RBMS3: variants seen among roughly 807,000 people sequenced by gnomAD.
RBMS3 encodes RNA binding motif single stranded interacting protein 3.
Under a neutral mutation model 66.8 loss-of-function variants are expected in RBMS3, and 27 were observed. The observed-to-expected ratio is 0.40, with a 90% CI of 0.30 to 0.56. The LOEUF (loss-of-function observed/expected upper bound fraction) is 0.56, where lower values mean the gene tolerates loss of function less well. Ranked by LOEUF, RBMS3 falls within the 20% of genes least tolerant of loss-of-function variation. RBMS3 has a pLI of 0.40. For missense variants in RBMS3, 513 were observed against 549.5 expected, an observed-to-expected ratio of 0.93 and a Z score of 0.66; for synonymous variants, 188 against 183.0, an observed-to-expected ratio of 1.03 and a Z score of -0.22.
intron 2 of RBMS3, among the ~76,000 whole-genome samples, chr3:29,444,106 A>T (rs2041728621): frequency 6.6e-6 from 1 of 152,116 alleles, no homozygotes; most frequent in South Asian, 2.1e-4. Flanking sequence ...TCAAAGTGAA[A>T]AAGTAAAGGA....
chr3:29,861,099 G>A (rs1470087612), intron 6 of RBMS3, among the ~76,000 whole-genome samples: 2 of 152,010 alleles, frequency 1.3e-5, no homozygotes, highest in Non-Finnish European at 1.5e-5. Flanking sequence ...TTCTGACCTC[G>A]TGATCATTTG....
At chr3:29,982,974 G>A (rs1698096641) in intron 12 of RBMS3, among the ~76,000 whole-genome samples, 1 of 152,140 alleles carries the variant, frequency 6.6e-6, no homozygotes, top group African/African-American at 2.4e-5. Flanking sequence ...TTAATTTTCT[G>A]TCTCATTGAT....
chr3:29,783,331 T>C (rs2056705048), intron 6 of RBMS3, among the ~76,000 whole-genome samples: 1 of 152,182 alleles, frequency 6.6e-6, no homozygotes, highest in Non-Finnish European at 1.5e-5. Context: ...GGAAAACCTA[T>C]CAGATTAACA....
intron 6 of RBMS3, among the ~76,000 whole-genome samples, chr3:29,802,986 G>A (rs192317079): frequency 2.6e-4 from 40 of 152,262 alleles, no homozygotes; most frequent in African/African-American, 8.7e-4. Context: ...AAGAAAGGAC[G>A]TTGACTTTCT....
chr3:29,844,240 G>GTT (rs1295671555), intron 6 of RBMS3, among the ~76,000 whole-genome samples: 2 of 151,934 alleles, frequency 1.3e-5, no homozygotes, highest in Admixed American at 6.6e-5. Flanking sequence ...TTGTTTTTTT[G>GTT]TTGTGTTTTG....
intron 6 of RBMS3, among the ~76,000 whole-genome samples, chr3:29,860,866 GTTTCT>G (rs2059194751): frequency 6.6e-6 from 1 of 152,116 alleles, no homozygotes; most frequent in East Asian, 1.9e-4. Context: ...GGTTTCATTT[GTTTCT>G]TTTCTTTTCT....
intron 12 of RBMS3, among the ~76,000 whole-genome samples, chr3:29,951,184 A>G (rs112394810): frequency 5.9e-4 from 90 of 152,014 alleles, no homozygotes; most frequent in African/African-American, 2.1e-3. Context: ...AAGAAATACT[A>G]TTGGGCTAAT....
At chr3:29,469,222 G>A (rs571204117) in intron 2 of RBMS3, among the ~76,000 whole-genome samples, 1 of 152,018 alleles carries the variant, frequency 6.6e-6, no homozygotes, top group African/African-American at 2.4e-5. Flanking sequence ...CATAGTATGG[G>A]AAATATTAAA....
chr3:29,373,667 A>T (rs896443026), intron 1 of RBMS3, among the ~76,000 whole-genome samples: 2 of 152,192 alleles, frequency 1.3e-5, no homozygotes, highest in Non-Finnish European at 2.9e-5. Flanking sequence ...AGTAGCAAGT[A>T]ATTGAGCCTT....
intron 1 of RBMS3, among the ~76,000 whole-genome samples, chr3:29,365,029 A>G (rs2037818658): frequency 6.6e-6 from 1 of 152,152 alleles, no homozygotes; most frequent in South Asian, 2.1e-4. Context: ...AAACTTCTCA[A>G]GGGTCAAAAT....
chr3:29,852,855 A>G (rs924361964), intron 6 of RBMS3, among the ~76,000 whole-genome samples: 8 of 152,200 alleles, frequency 5.3e-5, no homozygotes, highest in Non-Finnish European at 1.0e-4. Context: ...AAGAAGCATG[A>G]ATTTGTATGT....
intron 1 of RBMS3, among the ~76,000 whole-genome samples, chr3:29,376,090 A>G (rs998640063): frequency 9.2e-5 from 14 of 151,430 alleles, no homozygotes; most frequent in African/African-American, 3.4e-4. Context: ...TAATGCAGAA[A>G]CAGAAAACCA....
intron 4 of RBMS3, among the ~76,000 whole-genome samples, chr3:29,625,150 C>T (rs1224269996): frequency 4.6e-5 from 7 of 152,180 alleles, no homozygotes; most frequent in Non-Finnish European, 8.8e-5. Flanking sequence ...CCCTGCAGAA[C>T]TGTGGTTCAT....
At chr3:29,954,556 A>G (rs1449294) in intron 12 of RBMS3, among the ~76,000 whole-genome samples, 24,751 of 151,950 alleles carry the variant, frequency 0.16, 2,083 homozygotes, top group East Asian at 0.24. Flanking sequence ...ATGATTTAAT[A>G]TTATACTAAG....
In RBMS3 at chr3:29,785,918, G is replaced by T. The variant is rs2056801237; in HGVS notation, c.637+22929G>T. Among the ~76,000 whole-genome samples, 4 of 152,004 alleles carry T rather than the reference G, an allele frequency of 2.6e-5. No individual in the cohort carries two copies. The South Asian group carries it at 8.3e-4, about 32-fold the overall frequency. ...AGTCAAACTGTCACTGTTTGCTGAA[G>T]ATATGATCGTATACCTAGAAAACCC... On this transcript the variant is annotated intron_variant, in intron 6 of 14. Transcript: ENST00000383767.
At chr3:29,560,499 A>C (rs966571715) in intron 3 of RBMS3, among the ~76,000 whole-genome samples, 1 of 152,248 alleles carries the variant, frequency 6.6e-6, no homozygotes, top group African/African-American at 2.4e-5. Context: ...AAATAGAAAC[A>C]AAAGTCTCTG....
intron 10 of RBMS3, among the ~76,000 whole-genome samples, chr3:29,901,344 C>G (rs910589577): frequency 6.6e-6 from 1 of 151,774 alleles, no homozygotes; most frequent in Non-Finnish European, 1.5e-5. Flanking sequence ...TGTGTTCATC[C>G]GTAAAGCACT....
intron 2 of RBMS3, among the ~76,000 whole-genome samples, chr3:29,482,708 T>TTTTTTTC (rs2043178883): frequency 8.4e-6 from 1 of 119,252 alleles, no homozygotes; most frequent in Non-Finnish European, 1.7e-5. Context: ...TTTCTTTTTT[T>TTTTTTTC]TTTTTTTTTT....
Position 30,006,281 on chromosome 3 carries a change from A to T in RBMS3, c.*2419A>T, listed in dbSNP as rs939961991. ...TCAACATGAGTAATAAGGTTGACTCATGTGAAATTGTCAATATTCTACTAT... is the reference window on the plus strand; with the variant it reads ...TCAACATGAGTAATAAGGTTGACTCTTGTGAAATTGTCAATATTCTACTAT... On this transcript the variant is annotated 3_prime_UTR_variant, in exon 15 of 15. Transcript: ENST00000383767. The T allele has an allele frequency of 2.6e-5, 4 of 151,932 alleles. No individual in the cohort carries two copies. The highest frequency in any genetic ancestry group is 2.0e-4 in the Admixed American group (3 of 15,224). The allele number at this position is 151,932 out of a possible 1,614,324, so 9.4% of individuals were successfully genotyped here. A position where few individuals can be genotyped will look rare whatever the true frequency, so the allele number is the denominator to read the frequency against.
Sources: allele counts gnomAD v4.1 joint callset (sites outside exome capture counted in the v4.1 genomes callset), GRCh38; gene constraint gnomAD v4.1.1; transcripts MANE v1.5; gene names NCBI Gene and HGNC (gene_info 2026-07-23, HGNC 2026-07-21).